Variants in ADGRB3 observed in about 807,000 individuals in gnomAD.
The protein encoded by ADGRB3 is adhesion G protein-coupled receptor B3.
In ADGRB3, 37 loss-of-function variants were observed where a neutral mutation model predicts 193.4. That is an observed-to-expected ratio of 0.19 (90% CI 0.15 to 0.25). The LOEUF (loss-of-function observed/expected upper bound fraction) is 0.25, where lower values mean the gene tolerates loss of function less well. Among genes scored for constraint, ADGRB3 ranks in the 10% least tolerant of loss-of-function variants. The pLI is 1.00. For synonymous variants in ADGRB3, 690 were observed against 644.2 expected (o/e 1.07, Z -1.08); for missense variants, 1,637 against 1,852.9 (o/e 0.88, Z 2.14).
chr6:69,189,070 C>G (rs2150354095), intron 17 of ADGRB3, among the ~76,000 whole-genome samples: 1 of 152,178 alleles, frequency 6.6e-6, no homozygotes, highest in African/African-American at 2.4e-5. Flanking sequence ...GAAATGATAA[C>G]CAATGAATTT....
rs550734063 is a variant in ADGRB3, at chr6:69,038,944, G to T, written c.2108-9241G>T. Among the ~76,000 whole-genome samples the T allele has an allele frequency of 2.6e-5, 4 of 152,226 alleles. No individual in the cohort carries two copies. In the East Asian group the frequency reaches 7.7e-4, roughly 29 times the overall value. On this transcript the variant is annotated intron_variant, in intron 13 of 31. Transcript: ENST00000370598. ...TATTCCAGAAATAAACAATTTATAA[G>T]TTTTAAGTTGTGTGCCATTGAGTAG...
intron 17 of ADGRB3, among the ~76,000 whole-genome samples, chr6:69,102,871 A>G (rs1370300500): frequency 6.6e-6 from 1 of 152,184 alleles, no homozygotes; most frequent in African/African-American, 2.4e-5. Flanking sequence ...ATTTCATTTT[A>G]TTCTGCAACT....
chr6:69,062,166 A>C (rs1348009884), intron 15 of ADGRB3, among the ~76,000 whole-genome samples: 1 of 151,982 alleles, frequency 6.6e-6, no homozygotes, highest in Non-Finnish European at 1.5e-5. Context: ...ATCTCTAAAT[A>C]CTAGATGATC....
At chr6:69,145,444 C>T (rs139341559) in intron 17 of ADGRB3, among the ~76,000 whole-genome samples, 4 of 152,280 alleles carry the variant, frequency 2.6e-5, no homozygotes, top group African/African-American at 9.6e-5. Flanking sequence ...AGCCCTGGCT[C>T]AGGGAGCTCC....
intron 20 of ADGRB3, among the ~76,000 whole-genome samples, chr6:69,263,779 G>A (rs1766977510): frequency 6.6e-6 from 1 of 151,934 alleles, no homozygotes; most frequent in Non-Finnish European, 1.5e-5. Context: ...TGTTGTTGGA[G>A]GGAGTCTTAA....
rs35408314 is a variant in ADGRB3, at chr6:68,791,049, T to TAA, written c.758-139494_758-139493dup. Among the ~76,000 whole-genome samples, 202 of 97,332 alleles carry TAA rather than the reference T, an allele frequency of 2.1e-3. 1 individual carries two copies. The highest frequency in any genetic ancestry group is 0.011 in the South Asian group (28 of 2,530). 63.9% of individuals were successfully genotyped at this position (97,332 alleles called of 152,430 possible). ...GGCAGCACAGTGAGACCACATCTCT[T>TAA]AAAAAAAAAAAAAAAAAGTCTTGTA... On this transcript the variant is annotated intron_variant, in intron 3 of 31. Coordinates refer to ENST00000370598, the MANE Select transcript of ADGRB3 (RefSeq NM_001704.3).
Position 69,025,500 on chromosome 6 carries a change from C to T in ADGRB3, c.2107+7001C>T, listed in dbSNP as rs963682926. 6.0e-5 allele frequency among the ~76,000 whole-genome samples: 9 copies of T among 151,226 alleles called. No homozygotes were observed. In the East Asian group the frequency reaches 7.9e-4, roughly 13 times the overall value. ...AGACACTTGTAGTCTGTTGACATCA[C>T]GCCTGAAAAATACACAATTTAACTT... is the stretch of plus-strand genomic sequence containing the variant. On this transcript the variant is annotated intron_variant, in intron 13 of 31. Transcript: ENST00000370598.
At chr6:68,936,945 G>T (rs1376694216) in intron 5 of ADGRB3, among the ~76,000 whole-genome samples, 2 of 152,064 alleles carry the variant, frequency 1.3e-5, no homozygotes, top group East Asian at 3.9e-4. Flanking sequence ...AATATTTAAG[G>T]TTCAATTATC....
chr6:69,297,008 C>T lies in ADGRB3; in HGVS notation c.2815-27864C>T, dbSNP rs181033030. Among the ~76,000 whole-genome samples the T allele has an allele frequency of 8.0e-4, 122 of 152,186 alleles. 2 individuals are homozygous for T. Among genetic ancestry groups the T allele is most frequent in the African/African-American group, 2.7e-3 (114 of 41,530 alleles). On this transcript the variant is annotated intron_variant, in intron 20 of 31. Coordinates refer to ENST00000370598, the MANE Select transcript of ADGRB3 (RefSeq NM_001704.3). ...GTTATAGGCTTATATTTCAGTTTTG[C>T]CACTTTGAAGCATTAGTTGGCCAAG...
At chr6:69,123,713 G>A (rs79800306) in intron 17 of ADGRB3, among the ~76,000 whole-genome samples, 3,579 of 152,156 alleles carry the variant, frequency 0.024, 124 homozygotes, top group East Asian at 0.1. Flanking sequence ...GTAGGGGAGC[G>A]AATCATATAT....
At chr6:68,728,495 A>C (rs1562007725) in intron 3 of ADGRB3, among the ~76,000 whole-genome samples, 1 of 151,534 alleles carries the variant, frequency 6.6e-6, no homozygotes, top group Non-Finnish European at 1.5e-5. Context: ...TCCTTTAAAA[A>C]CTATTTTTAA....
At chr6:68,754,404 T>A (rs1766261234) in intron 3 of ADGRB3, among the ~76,000 whole-genome samples, 2 of 152,190 alleles carry the variant, frequency 1.3e-5, no homozygotes, top group South Asian at 4.1e-4. Context: ...TAAACTTCCC[T>A]CTCTCTTGTT....
chr6:68,997,488 C>CAAAAAAAA (rs748557247), intron 11 of ADGRB3, among the ~76,000 whole-genome samples: 11 of 52,154 alleles, frequency 2.1e-4, no homozygotes, highest in African/African-American at 3.7e-4. Context: ...ACTAAAAATA[C>CAAAAAAAA]AAAAAAAAAA....
At chr6:68,857,771 G>A (rs1472321218) in intron 3 of ADGRB3, among the ~76,000 whole-genome samples, 2 of 152,112 alleles carry the variant, frequency 1.3e-5, no homozygotes, top group African/African-American at 4.8e-5. Context: ...TGTGAGATTT[G>A]GGAGGAGCCA....
intron 26 of ADGRB3, among the ~76,000 whole-genome samples, chr6:69,343,708 G>GA (rs1769027417): frequency 1.3e-5 from 2 of 150,182 alleles, no homozygotes; most frequent in Admixed American, 1.3e-4. Flanking sequence ...TCTCTCTGGA[G>GA]AAAAAAACAA....
chr6:68,806,842 A>G (rs1345043348), intron 3 of ADGRB3, among the ~76,000 whole-genome samples: 1 of 152,072 alleles, frequency 6.6e-6, no homozygotes, highest in Admixed American at 6.6e-5. Context: ...CTTTTAGAAT[A>G]TATTTACTTT....
intron 20 of ADGRB3, among the ~76,000 whole-genome samples, chr6:69,310,111 A>G (rs1285933281): frequency 1.3e-5 from 2 of 151,768 alleles, no homozygotes. Context: ...CGACATAAGA[A>G]TAAAACACTA....
At chr6:69,126,232 C>CACATACATACATACATACAT (rs780448849) in intron 17 of ADGRB3, among the ~76,000 whole-genome samples, 1 of 138,370 alleles carries the variant, frequency 7.2e-6, no homozygotes. Context: ...AATAGATACA[C>CACATACATACATACATACAT]ACATACATAC....
intron 17 of ADGRB3, among the ~76,000 whole-genome samples, chr6:69,167,804 G>A (rs2150346785): frequency 6.6e-6 from 1 of 152,234 alleles, no homozygotes; most frequent in African/African-American, 2.4e-5. Context: ...GAGATGGATA[G>A]AAGGCCTAAG....
Sources: gnomAD v4.1 joint callset for allele counts (sites outside exome capture counted in the v4.1 genomes callset) on GRCh38, gnomAD v4.1.1 for gene constraint, MANE v1.5 for transcripts, NCBI Gene and HGNC (gene_info 2026-07-23, HGNC 2026-07-21) for gene names.